EXOC7: variants seen among roughly 807,000 people sequenced by gnomAD.
EXOC7 encodes the protein exocyst complex component 7, also known as exocyst complex component Exo70.
In EXOC7, 51 loss-of-function variants were observed where a neutral mutation model predicts 87.6. That is an observed-to-expected ratio of 0.58 (90% CI 0.46 to 0.73). EXOC7 has a LOEUF of 0.73. Ranked by LOEUF, EXOC7 falls within the 30% of genes least tolerant of loss-of-function variation. The probability of loss-of-function intolerance (pLI) is 0.00; values close to 1 mark genes in which losing one functional copy is unlikely to be tolerated. For synonymous variants in EXOC7, 327 were observed against 357.1 expected (o/e 0.92, Z 0.95); for missense variants, 744 against 888.4 (o/e 0.84, Z 2.07).
chr17:76,088,345 C>T (rs189804074), intron 10 of EXOC7, 119 bp downstream of exon 10: 21 of 1,078,398 alleles, frequency 1.9e-5, no homozygotes, highest in Admixed American at 6.2e-5. Flanking sequence ...AGGCCAGTGG[C>T]GCAGCTGGCT....
In EXOC7 at chr17:76,081,589, G is replaced by A. The variant is rs776817661; in HGVS notation, c.*2059C>T. The A allele has an allele frequency of 6.2e-7, 1 of 1,613,862 alleles. No individual in the cohort carries two copies. The highest frequency in any genetic ancestry group is 2.2e-5 in the East Asian group (1 of 44,894). ...CGCTCAAGTCCATCATCGCTCTCTTGGTGCCTGCAGAGGCACTGCTGTTGG... is the reference window on the plus strand; with the variant it reads ...CGCTCAAGTCCATCATCGCTCTCTTAGTGCCTGCAGAGGCACTGCTGTTGG... On this transcript the variant is annotated 3_prime_UTR_variant, in exon 19 of 19. Coordinates refer to ENST00000589210, the MANE Select transcript of EXOC7 (RefSeq NM_001013839.4).
At chr17:76,085,588 G>C in intron 14 of EXOC7, 89 bp downstream of exon 14, 3 of 1,599,230 alleles carry the variant, frequency 1.9e-6, no homozygotes, top group South Asian at 2.2e-5. Context: ...TCGTCCACAA[G>C]AGAAGGAGCC....
At position 76,097,850 on chromosome 17, in the gene EXOC7, G is replaced by A. The variant is rs1344091342; in HGVS notation, c.586C>T (p.Leu196Phe). ...VTLEHLPESV[L>F]QDVIRISRWL... Reference sequence around the variant, plus strand: ...CGGGAGATGCGAATGACATCCTGGAGCACGCTCTCGGGCAGGTGCTCCAGG... The same window carrying A: ...CGGGAGATGCGAATGACATCCTGGAACACGCTCTCGGGCAGGTGCTCCAGG... The change falls in exon 5 of 19, where the codon CTC becomes TTC. Residue 196 changes from leucine to phenylalanine, a missense_variant. Leu to Phe is a conservative substitution (Grantham distance 22). Transcript: ENST00000589210. 1 of 1,613,892 alleles carries A rather than the reference G, an allele frequency of 6.2e-7. No individual in the cohort carries two copies. The highest frequency in any genetic ancestry group is 1.3e-5 in the African/African-American group (1 of 74,856).
At chr17:76,099,105 A>G (rs537933481) in intron 4 of EXOC7, among the ~76,000 whole-genome samples, 1 of 152,328 alleles carries the variant, frequency 6.6e-6, no homozygotes, top group East Asian at 1.9e-4. Context: ...AAAGAGAATG[A>G]ATCTGTCCAC....
intron 7 of EXOC7, chr17:76,090,165 A>C: frequency 1.3e-6 from 1 of 767,210 alleles, no homozygotes; most frequent in Non-Finnish European, 2.0e-6. Flanking sequence ...GAGAGAGGCA[A>C]GGAGACCTAG....
Position 76,087,728 on chromosome 17 carries a change from G to A in EXOC7, c.1363-8C>T, listed in dbSNP as rs1262295791. The A allele has an allele frequency of 1.9e-6, 3 of 1,550,840 alleles. No individual in the cohort carries two copies. The highest frequency in any genetic ancestry group is 2.0e-5 in the Admixed American group (1 of 51,006). ...CTGCAGGAAGAGGATGGCCTGGGTG[G>A]GAAGAAAACGGTGCAGAAGGGCAAG... On this transcript the variant is annotated splice_polypyrimidine_tract_variant and splice_region_variant and intron_variant, in intron 11 of 18. Transcript: ENST00000589210.
chr17:76,090,710 T>C (rs1598316438), intron 7 of EXOC7: 3 of 565,314 alleles, frequency 5.3e-6, no homozygotes, highest in Non-Finnish European at 9.4e-6. Flanking sequence ...CCCAGGGGGG[T>C]TCCCCACCTC....
chr17:76,091,946 G>T (rs767399744), intron 6 of EXOC7, among the ~76,000 whole-genome samples: 1 of 152,174 alleles, frequency 6.6e-6, no homozygotes, highest in Non-Finnish European at 1.5e-5. Context: ...TTGGCATGGG[G>T]GAGAAAAACA....
intron 1 of EXOC7, 54 bp downstream of exon 1, chr17:76,103,579 G>A: frequency 6.4e-7 from 1 of 1,553,720 alleles, no homozygotes; most frequent in Admixed American, 1.8e-5. Context: ...ATCAGGCCCC[G>A]CTGTTGGCCC....
Position 76,091,281 on chromosome 17 carries a change from T to C in EXOC7, c.809-46A>G, listed in dbSNP as rs373628135. ...AGAGGAGATAAGAAGACCTAGGAAATGAGTGAGAGAAAACAGCAGCGGCCC... is the reference window on the plus strand; with the variant it reads ...AGAGGAGATAAGAAGACCTAGGAAACGAGTGAGAGAAAACAGCAGCGGCCC... On this transcript the variant is annotated intron_variant, in intron 6 of 18. Coordinates refer to ENST00000589210, the MANE Select transcript of EXOC7 (RefSeq NM_001013839.4). 268 of 1,563,722 alleles carry C rather than the reference T, an allele frequency of 1.7e-4. 1 individual carries two copies. The highest frequency in any genetic ancestry group is 8.4e-5 in the Admixed American group (5 of 59,734).
In EXOC7 at chr17:76,081,186, C is replaced by T; in HGVS notation, c.*2462G>A. Reference sequence around the variant, plus strand: ...GTCCCTGCCAAAAGCCATCAAAAGTCTCCATCACCCCTGGGCTCCAGTCTG... The same window carrying T: ...GTCCCTGCCAAAAGCCATCAAAAGTTTCCATCACCCCTGGGCTCCAGTCTG... On this transcript the variant is annotated 3_prime_UTR_variant, in exon 19 of 19. Coordinates refer to ENST00000589210, the MANE Select transcript of EXOC7 (RefSeq NM_001013839.4). The T allele has an allele frequency of 1.3e-6, 2 of 1,546,418 alleles. No individual in the cohort carries two copies. The highest frequency in any genetic ancestry group is 1.2e-5 in the South Asian group (1 of 81,262).
chr17:76,097,750 T>G, intron 5 of EXOC7, 46 bp downstream of exon 5: 1 of 525,178 alleles, frequency 1.9e-6, no homozygotes, highest in Middle Eastern at 5.0e-4. Flanking sequence ...GGGAGAAAAC[T>G]CCCTCTGCCT....
At position 76,088,446 on chromosome 17, in the gene EXOC7, G is replaced by T; in HGVS notation, c.1299+18C>A. 1.2e-6 allele frequency: 2 copies of T among 1,610,138 alleles called. No individual in the cohort carries two copies. Among genetic ancestry groups the T allele is most frequent in the South Asian group, 1.1e-5 (1 of 90,640 alleles). ...TGCTGGGCCGGGAGGGAGGGAGAAA[G>T]GGGAGGACAGCAGGGACCTTGATGT... On this transcript the variant is annotated intron_variant, in intron 10 of 18. Coordinates refer to ENST00000589210, the MANE Select transcript of EXOC7 (RefSeq NM_001013839.4).
At chr17:76,085,277 G>A in intron 15 of EXOC7, 37 bp downstream of exon 15, 1 of 1,505,278 alleles carries the variant, frequency 6.6e-7, no homozygotes, top group Non-Finnish European at 9.1e-7. Flanking sequence ...GGTGGCACAG[G>A]GGCCCATGCA....
chr17:76,103,726 T>C lies in EXOC7; in HGVS notation c.-34A>G. ...ACCCCGCGGCTCCCACTCCCCAGTA[T>C]CTTTCCTCCGCGGGCCCACCGGGCC... On this transcript the variant is annotated 5_prime_UTR_variant, in exon 1 of 19. Transcript: ENST00000589210. 3 of 1,579,212 alleles carry C rather than the reference T, an allele frequency of 1.9e-6. No individual in the cohort carries two copies. In the South Asian group the frequency reaches 3.5e-5, roughly 18 times the overall value.
In EXOC7 at chr17:76,084,048, T is replaced by C; in HGVS notation, c.1910A>G (p.Gln637Arg). The C allele has an allele frequency of 6.2e-7, 1 of 1,608,616 alleles. No homozygotes were observed. ...TEQRDRIRQA[Q>R]KTIVKETYGA... ...GTAGGTCTCCTTGACAATGGTCTTC[T>C]GGGCCTGGCGAATCCTGTCCCTCTG... Residue 637 changes from glutamine (Q) to arginine (R), a missense_variant, in exon 18 of 19, where the codon CAG becomes CGG. This residue lies in a region of EXOC7 where 228 missense variants were observed against 298.6 expected (regional missense o/e 0.76). Transcript: ENST00000589210.
chr17:76,088,566 A>AG lies in EXOC7; in HGVS notation c.1201-5dup. 6.2e-7 allele frequency: 1 copy of AG among 1,612,472 alleles called. No homozygotes were observed. Among genetic ancestry groups the AG allele is most frequent in the Non-Finnish European group, 8.5e-7 (1 of 1,179,326 alleles). The stretch of plus-strand genomic sequence containing the variant: ...TCTTTGTGCTGGCAGCCGTGCCCTG[A>AG]GGAAGCACAGGGGAGCCCCCAGCTC... On this transcript the variant is annotated splice_polypyrimidine_tract_variant and splice_region_variant and intron_variant, in intron 9 of 18. Transcript: ENST00000589210.
In EXOC7 at chr17:76,087,070, C is replaced by T. The variant is rs570060114; in HGVS notation, c.1429+584G>A. Among the ~76,000 whole-genome samples the T allele has an allele frequency of 1.3e-4, 20 of 152,342 alleles. No homozygotes were observed. Among genetic ancestry groups the T allele is most frequent in the African/African-American group, 4.8e-4 (20 of 41,580 alleles). ...ACAGCAGGCGGGACCCTCTGAGGAC[C>T]AGGGAACACCCTGGAAAGTAGAGAG... On this transcript the variant is annotated intron_variant, in intron 12 of 18. Transcript: ENST00000589210.
At position 76,081,982 on chromosome 17, in the gene EXOC7, CGGCCCCAGCCCAGCCCCGAGAGG is replaced by C; in HGVS notation, c.*1643_*1665del. The C allele has an allele frequency of 1.9e-6, 3 of 1,612,166 alleles. No homozygotes were observed. Among genetic ancestry groups the C allele is most frequent in the Non-Finnish European group, 2.5e-6 (3 of 1,179,604 alleles). On this transcript the variant is annotated 3_prime_UTR_variant, in exon 19 of 19. Coordinates refer to ENST00000589210, the MANE Select transcript of EXOC7 (RefSeq NM_001013839.4). The stretch of plus-strand genomic sequence containing the variant: ...CCCGGGGCAACCTTGGGGCCAAGAG[CGGCCCCAGCCCAGCCCCGAGAGG>C]GGAACAGCGAGAGCACGGCAACCCA...
Sources: allele counts gnomAD v4.1 joint callset (sites outside exome capture counted in the v4.1 genomes callset), GRCh38; gene constraint gnomAD v4.1.1; regional missense constraint gnomAD v4.1.1; transcripts MANE v1.5; gene names NCBI Gene and HGNC (gene_info 2026-07-23, HGNC 2026-07-21).